Variants in HCN2 observed in about 807,000 individuals in gnomAD.
HCN2 encodes hyperpolarization activated cyclic nucleotide gated potassium and sodium channel 2, also known as potassium/sodium hyperpolarization-activated cyclic nucleotide-gated channel 2.
In HCN2, 20 loss-of-function variants were observed where a neutral mutation model predicts 52.3. The ratio of observed to expected loss-of-function variants is 0.38; its 90% confidence interval spans 0.27 to 0.56. The LOEUF is 0.56. Ranked by LOEUF, HCN2 falls within the 20% of genes least tolerant of loss-of-function variation. HCN2 has a pLI of 0.71. For missense variants in HCN2, 981 were observed against 1,207.7 expected (o/e 0.81, Z 2.78); for synonymous variants, 694 against 537.0 (o/e 1.29, Z -4.04).
rs1290437314 is a variant in HCN2 at position 616,287 on chromosome 19, C to T, written c.2483C>T (p.Pro828Leu). The T allele has an allele frequency of 1.9e-6, 2 of 1,074,000 alleles. No individual in the cohort carries two copies. Among genetic ancestry groups the T allele is most frequent in the African/African-American group, 3.4e-5 (2 of 58,478 alleles). The allele number at this position is 1,074,000 out of a possible 1,614,324, so 66.5% of individuals were successfully genotyped here. The change falls in exon 8 of 8, where the codon CCT becomes CTT. Residue 828 changes from proline to leucine, a missense_variant. Pro to Leu is a moderately conservative substitution (Grantham distance 98). This residue lies in a region of HCN2 where 368 missense variants were observed against 314.8 expected (regional missense o/e 1.17). Coordinates refer to ENST00000251287, the MANE Select transcript of HCN2 (RefSeq NM_001194.4). Reference sequence around the variant, plus strand: ...CTGTCCGCCTCGCAGCCCTCGCTGCCTCACGGCGCCCCCGGCCCCGCGGCC... The same window carrying T: ...CTGTCCGCCTCGCAGCCCTCGCTGCTTCACGGCGCCCCCGGCCCCGCGGCC... ...RPLSASQPSL[P>L]HGAPGPAAST...
Position 616,610 on chromosome 19 carries a change from C to G in HCN2, c.*136C>G, listed in dbSNP as rs1983944856. ...CGAGACGTAGGTAGCCGTAGTTGGA[C>G]GGACGGGCAGGGCCGGCGGGGCAGC... On this transcript the variant is annotated 3_prime_UTR_variant, in exon 8 of 8. Coordinates refer to ENST00000251287, the MANE Select transcript of HCN2 (RefSeq NM_001194.4). 4.2e-6 allele frequency: 2 copies of G among 471,062 alleles called. No individual in the cohort carries two copies. The highest frequency in any genetic ancestry group is 1.1e-4 in the Admixed American group (2 of 18,322). The allele number at this position is 471,062 out of a possible 1,614,324, so 29.2% of individuals were successfully genotyped here.
chr19:615,841 CTCGGGCG>C lies in HCN2; in HGVS notation c.2039_2045del (p.Ser680TyrfsTer55). 1 of 1,612,896 alleles carries C rather than the reference CTCGGGCG, an allele frequency of 6.2e-7. No individual in the cohort carries two copies. Among genetic ancestry groups the C allele is most frequent in the Non-Finnish European group, 8.5e-7 (1 of 1,179,836 alleles). On this transcript the variant is annotated frameshift_variant, in exon 8 of 8. Transcript: ENST00000251287. LOFTEE classifies it low-confidence loss of function (END_TRUNC). ...TGCACAAGGTGCAGCATGACCTCAA[CTCGGGCG>C]TATTCAACAACCAGGAGAACGCCAT...
Position 605,241 on chromosome 19 carries a change from G to C in HCN2, c.1218+19G>C. 1 of 1,608,104 alleles carries C rather than the reference G, an allele frequency of 6.2e-7. No homozygotes were observed. The highest frequency in any genetic ancestry group is 8.5e-7 in the Non-Finnish European group (1 of 1,178,008). On this transcript the variant is annotated intron_variant, in intron 3 of 7. Transcript: ENST00000251287. ...CATGGTGGTGAGCGCCGCGGGCCCT[G>C]ACGGAGGGGGAGACGCAGGCTCCCA...
chr19:594,954 A>C (rs7246270), intron 1 of HCN2, among the ~76,000 whole-genome samples: 73,587 of 152,022 alleles, frequency 0.48, 19,685 homozygotes, highest in African/African-American at 0.7. Flanking sequence ...TAATGCCAGT[A>C]CTTTGGGAGG....
chr19:605,154 C>T lies in HCN2; in HGVS notation c.1150C>T (p.Leu384=), dbSNP rs1983378713. The change falls in exon 3 of 8, where the codon CTG becomes TTG. Residue 384 remains leucine (L), a synonymous_variant. Coordinates refer to ENST00000251287, the MANE Select transcript of HCN2 (RefSeq NM_001194.4). ...GCTGCTCTGCCACTGGGACGGCTGC[C>T]TGCAGTTCCTGGTGCCTATGCTGCA... The part of the protein sequence containing the change: ...MLLLCHWDGC[L]QFLVPMLQDF... 1.9e-6 allele frequency: 3 copies of T among 1,611,552 alleles called. No individual in the cohort carries two copies. Among genetic ancestry groups the T allele is most frequent in the Non-Finnish European group, 2.5e-6 (3 of 1,179,610 alleles).
At chr19:613,621 GGGGATGGGGAT>G in intron 6 of HCN2, 133 bp downstream of exon 6, 1 of 171,838 alleles carries the variant, frequency 5.8e-6, no homozygotes, top group African/African-American at 7.1e-5. Flanking sequence ...GGATGGGGAT[GGGGATGGGGAT>G]GGGGCCGGGG....
At position 613,698 on chromosome 19, in the gene HCN2, T is replaced by TCCGGGGCC. The variant is rs1983765205; in HGVS notation, c.1826-154_1826-153insCCGGGGCC. 4.3e-4 allele frequency among the ~76,000 whole-genome samples: 7 copies of TCCGGGGCC among 16,266 alleles called. 1 individual carries two copies. Among genetic ancestry groups the TCCGGGGCC allele is most frequent in the East Asian group, 8.1e-3 (2 of 248 alleles). The allele number at this position is 16,266 out of a possible 152,430, so 10.7% of individuals were successfully genotyped here. On this transcript the variant is annotated intron_variant, in intron 6 of 7. Coordinates refer to ENST00000251287, the MANE Select transcript of HCN2 (RefSeq NM_001194.4). Reference sequence around the variant, plus strand: ...ATGGGGCCGGGGATGGGGCCGGGGATGGGGCCGGGGATGGGGCCGGGGCCG... The same window carrying TCCGGGGCC: ...ATGGGGCCGGGGATGGGGCCGGGGATCCGGGGCCGGGGCCGGGGATGGGGCCGGGGCCG...
chr19:601,684 T>A (rs1287418102), intron 1 of HCN2, among the ~76,000 whole-genome samples: 1 of 152,164 alleles, frequency 6.6e-6, no homozygotes, highest in African/African-American at 2.4e-5. Flanking sequence ...TATGTCTTTT[T>A]AAGGAGCCAC....
chr19:589,994 A>AC lies in HCN2; in HGVS notation c.54dup (p.Ala19ArgfsTer50). 3 of 661,462 alleles carry AC rather than the reference A, an allele frequency of 4.5e-6. No homozygotes were observed. The highest frequency in any genetic ancestry group is 5.4e-6 in the Non-Finnish European group (3 of 560,132). The allele number at this position is 661,462 out of a possible 1,614,324, so 41.0% of individuals were successfully genotyped here. ...GCGGCCCGGGGAGAGCCCGGGCGCG[A>AC]CCCCCGCGCCGGGGCCGCCGCCGCC... On this transcript the variant is annotated frameshift_variant, in exon 1 of 8. Transcript: ENST00000251287. LOFTEE classifies it high-confidence loss of function.
At position 617,041 on chromosome 19, in the gene HCN2, C is replaced by T; in HGVS notation, c.*567C>T. 2 of 542,386 alleles carry T rather than the reference C, an allele frequency of 3.7e-6. No homozygotes were observed. Among genetic ancestry groups the T allele is most frequent in the South Asian group, 4.0e-5 (2 of 50,180 alleles). 33.6% of individuals were successfully genotyped at this position (542,386 alleles called of 1,614,324 possible). On this transcript the variant is annotated 3_prime_UTR_variant, in exon 8 of 8. Transcript: ENST00000251287. ...CAGGGCGCGGGGGGGAGGCTGGGGT[C>T]CCGCCGCCGTGATGAATGTACTGAC...
At chr19:609,855 G>T (rs1490340379) in intron 4 of HCN2, among the ~76,000 whole-genome samples, 1 of 152,176 alleles carries the variant, frequency 6.6e-6, no homozygotes, top group Non-Finnish European at 1.5e-5. Context: ...AGCTGTGATT[G>T]CACCACTGCA....
intron 1 of HCN2, among the ~76,000 whole-genome samples, chr19:600,543 C>T (rs1983169984): frequency 6.6e-6 from 1 of 151,918 alleles, no homozygotes; most frequent in Admixed American, 6.6e-5. Context: ...GCTGGGGTTT[C>T]ACTCTGTTGG....
Position 616,294 on chromosome 19 carries a change from C to T in HCN2, c.2490C>T (p.Gly830=), listed in dbSNP as rs1050747692. The T allele has an allele frequency of 4.6e-6, 5 of 1,083,170 alleles. No individual in the cohort carries two copies. The highest frequency in any genetic ancestry group is 1.7e-5 in the African/African-American group (1 of 58,570). The allele number at this position is 1,083,170 out of a possible 1,614,324, so 67.1% of individuals were successfully genotyped here. The change falls in exon 8 of 8, where the codon GGC becomes GGT. Residue 830 remains glycine (G), a synonymous_variant. Transcript: ENST00000251287. ...CCTCGCAGCCCTCGCTGCCTCACGG[C>T]GCCCCCGGCCCCGCGGCCTCCACAC... ...LSASQPSLPH[G]APGPAASTRP...
chr19:602,147 G>A (rs897332617), intron 1 of HCN2, among the ~76,000 whole-genome samples: 5 of 136,452 alleles, frequency 3.7e-5, no homozygotes, highest in South Asian at 2.7e-4. Flanking sequence ...CTCCTCCTGC[G>A]TGGACGCCCC....
chr19:592,417 G>A lies in HCN2; in HGVS notation c.632+1840G>A, dbSNP rs1982901520. 6.6e-6 allele frequency among the ~76,000 whole-genome samples: 1 copy of A among 152,176 alleles called. No homozygotes were observed. The highest frequency in any genetic ancestry group is 1.5e-5 in the Non-Finnish European group (1 of 68,030). On this transcript the variant is annotated intron_variant, in intron 1 of 7. Coordinates refer to ENST00000251287, the MANE Select transcript of HCN2 (RefSeq NM_001194.4). The surrounding 1 kb of genome is among the most constrained non-coding windows in gnomAD (Gnocchi z 4.8). ...CCCGGGGCTTGGGGGGAAGGCCGGT[G>A]GTAGGAGTGAAGCCCTCTCATCCTT...
intron 1 of HCN2, among the ~76,000 whole-genome samples, chr19:596,111 C>T (rs895116784): frequency 3.3e-5 from 5 of 152,216 alleles, no homozygotes; most frequent in African/African-American, 1.2e-4. Flanking sequence ...GCGGCCTCCT[C>T]CCCCAAGCTT....
At position 616,031 on chromosome 19, in the gene HCN2, G is replaced by C. The variant is rs1389463495; in HGVS notation, c.2227G>C (p.Ala743Pro). 1.1e-5 allele frequency: 15 copies of C among 1,320,438 alleles called. No homozygotes were observed. The highest frequency in any genetic ancestry group is 1.2e-5 in the Non-Finnish European group (13 of 1,040,950). 81.8% of individuals were successfully genotyped at this position (1,320,438 alleles called of 1,614,324 possible). Reference sequence around the variant, plus strand: ...GGCCATGAGCTTCTGCCCGCAGGTGGCGCGGCCGCTCGTGGGGCCGCTGGC... The same window carrying C: ...GGCCATGAGCTTCTGCCCGCAGGTGCCGCGGCCGCTCGTGGGGCCGCTGGC... ...AAAMSFCPQV[A>P]RPLVGPLALG... Residue 743 changes from alanine (A) to proline (P), a missense_variant, in exon 8 of 8, where the codon GCG becomes CCG. Transcript: ENST00000251287.
Position 615,777 on chromosome 19 carries a change from A to ACGCCCCCTCTCC in HCN2, c.1991-14_1991-3dup, listed in dbSNP as rs563181576. ...GCAGGCGCTCCCTGTGCACACGCTA[A>ACGCCCCCTCTCC]CGCCCCCTCTCCCGCAGGCAAGAAG... On this transcript the variant is annotated splice_polypyrimidine_tract_variant and intron_variant, in intron 7 of 7. Transcript: ENST00000251287. The ACGCCCCCTCTCC allele has an allele frequency of 1.5e-4, 244 of 1,609,742 alleles. No individual in the cohort carries two copies. The African/African-American group carries it at 2.7e-3, about 18-fold the overall frequency.
intron 4 of HCN2, among the ~76,000 whole-genome samples, chr19:608,458 G>A (rs964251131): frequency 1.3e-5 from 2 of 152,142 alleles, no homozygotes; most frequent in African/African-American, 2.4e-5. Context: ...TCAGGGCAGA[G>A]ACCGCGTGAT....
Sources: allele counts gnomAD v4.1 joint callset (sites outside exome capture counted in the v4.1 genomes callset), GRCh38; gene constraint gnomAD v4.1.1; regional missense constraint gnomAD v4.1.1; non-coding constraint Gnocchi (gnomAD v3.1); transcripts MANE v1.5; gene names NCBI Gene and HGNC (gene_info 2026-07-23, HGNC 2026-07-21).